PARD3B: variants seen among roughly 807,000 people sequenced by gnomAD.
PARD3B encodes partitioning defective 3 homolog B.
In PARD3B, 103 loss-of-function variants were observed where a neutral mutation model predicts 130.2. The observed-to-expected ratio is 0.79, with a 90% confidence interval of 0.67 to 0.93. PARD3B has a LOEUF of 0.93. PARD3B is among the 40% of genes least tolerant of loss of function. The probability of loss-of-function intolerance (pLI) is 0.00; values close to 1 mark genes in which losing one functional copy is unlikely to be tolerated. For missense variants in PARD3B, 1,609 were observed against 1,499.2 expected, an observed-to-expected ratio of 1.07 and a Z score of -1.21; for synonymous variants, 583 against 553.2, an observed-to-expected ratio of 1.05 and a Z score of -0.76.
At chr2:204,760,954 A>G (rs1395299167) in intron 2 of PARD3B, among the ~76,000 whole-genome samples, 5 of 152,194 alleles carry the variant, frequency 3.3e-5, no homozygotes, top group African/African-American at 4.8e-5. Context: ...TAGCTGCCAC[A>G]TTTGTTGACT....
At chr2:204,852,870 G>A (rs780478471) in intron 2 of PARD3B, among the ~76,000 whole-genome samples, 11 of 152,062 alleles carry the variant, frequency 7.2e-5, no homozygotes, top group Non-Finnish European at 1.3e-4. Context: ...ATAAAGGAAA[G>A]CCCACTACAA....
In PARD3B at chr2:205,268,049, G is replaced by T. The variant is rs571168393; in HGVS notation, c.2185+22227G>T. On this transcript the variant is annotated intron_variant, in intron 16 of 22. Coordinates refer to ENST00000406610, the MANE Select transcript of PARD3B (RefSeq NM_001302769.2). This position sits in a 1 kb window ranked among gnomAD's most constrained non-coding sequence, Gnocchi z 4.1. ...AAACTTCAGGCCTTCTCTCATCCCA[G>T]GACCTTTAGCTAGTGAGCCCTAGTG... Among the ~76,000 whole-genome samples, 1 of 152,224 alleles carries T rather than the reference G, an allele frequency of 6.6e-6. No individual in the cohort carries two copies. Among genetic ancestry groups the T allele is most frequent in the African/African-American group, 2.4e-5 (1 of 41,558 alleles).
At position 204,906,931 on chromosome 2, in the gene PARD3B, G is replaced by T. The variant is rs2047059738; in HGVS notation, c.223-58221G>T. 6.6e-6 allele frequency among the ~76,000 whole-genome samples: 1 copy of T among 152,116 alleles called. No homozygotes were observed. Among genetic ancestry groups the T allele is most frequent in the Non-Finnish European group, 1.5e-5 (1 of 68,016 alleles). ...TTAGCATTTTTGTGGAGAATTGGGTGTATTAAAAAGTAGAAGCAAAGATGC... is the reference window on the plus strand; with the variant it reads ...TTAGCATTTTTGTGGAGAATTGGGTTTATTAAAAAGTAGAAGCAAAGATGC... On this transcript the variant is annotated intron_variant, in intron 2 of 22. Coordinates refer to ENST00000406610, the MANE Select transcript of PARD3B (RefSeq NM_001302769.2). The surrounding 1 kb of genome is among the most constrained non-coding windows in gnomAD (Gnocchi z 4.3).
chr2:204,596,130 C>T (rs748763734), intron 1 of PARD3B, among the ~76,000 whole-genome samples: 8 of 152,172 alleles, frequency 5.3e-5, no homozygotes, highest in Non-Finnish European at 1.0e-4. Context: ...ATTATGAAAT[C>T]GTGAGATAAA....
chr2:205,518,672 G>C (rs980469632), intron 21 of PARD3B, among the ~76,000 whole-genome samples: 3 of 152,128 alleles, frequency 2.0e-5, no homozygotes, highest in African/African-American at 7.2e-5. Context: ...GCTTTATAGT[G>C]ACACTGGTCT....
At position 205,564,743 on chromosome 2, in the gene PARD3B, C is replaced by T. The variant is rs1229461143; in HGVS notation, c.3260+11340C>T. On this transcript the variant is annotated intron_variant, in intron 22 of 22. Coordinates refer to ENST00000406610, the MANE Select transcript of PARD3B (RefSeq NM_001302769.2). The surrounding 1 kb of genome is among the most constrained non-coding windows in gnomAD (Gnocchi z 4.6). ...ATCTCATGTGACACAGGCCCCACGA[C>T]CTCGATCATTCTGCCAAGAAACACC... 6.6e-6 allele frequency among the ~76,000 whole-genome samples: 1 copy of T among 152,184 alleles called. No homozygotes were observed. The highest frequency in any genetic ancestry group is 1.9e-4 in the East Asian group (1 of 5,190).
intron 2 of PARD3B, among the ~76,000 whole-genome samples, chr2:204,848,661 A>ATCTG: frequency 6.6e-6 from 1 of 151,508 alleles, no homozygotes; most frequent in East Asian, 1.9e-4. Flanking sequence ...CTATCTATCT[A>ATCTG]TCTGTCTGTC....
At chr2:205,316,700 C>T (rs1006063523) in intron 18 of PARD3B, among the ~76,000 whole-genome samples, 1 of 152,120 alleles carries the variant, frequency 6.6e-6, no homozygotes, top group African/African-American at 2.4e-5. Flanking sequence ...ATGTGCCCTT[C>T]TCTACCTCTC....
In PARD3B at chr2:204,645,911, T is replaced by G. The variant is rs147908521; in HGVS notation, c.121-40270T>G. On this transcript the variant is annotated intron_variant, in intron 1 of 22. Coordinates refer to ENST00000406610, the MANE Select transcript of PARD3B (RefSeq NM_001302769.2). ...TTTTCATGGCTTACTCAATGAATTT[T>G]GTCACTAGATGTGACTGCTATAACG... 2.4e-3 allele frequency among the ~76,000 whole-genome samples: 368 copies of G among 152,246 alleles called. 1 individual carries two copies. The highest frequency in any genetic ancestry group is 8.6e-3 in the African/African-American group (358 of 41,568).
intron 2 of PARD3B, among the ~76,000 whole-genome samples, chr2:204,727,013 C>T (rs1051379826): frequency 2.0e-5 from 3 of 152,296 alleles, no homozygotes; most frequent in African/African-American, 7.2e-5. Flanking sequence ...CCGCCCTGCA[C>T]GTTCTGCTGT....
At chr2:205,296,012 T>G (rs927162545) in intron 16 of PARD3B, among the ~76,000 whole-genome samples, 2 of 152,210 alleles carry the variant, frequency 1.3e-5, no homozygotes, top group Admixed American at 6.5e-5. Flanking sequence ...TAGCTGTTTG[T>G]AGAACGCATG....
At chr2:205,115,781 T>G (rs1042564437) in intron 6 of PARD3B, among the ~76,000 whole-genome samples, 3 of 152,194 alleles carry the variant, frequency 2.0e-5, no homozygotes, top group Non-Finnish European at 4.4e-5. Flanking sequence ...ATGGTTTCAC[T>G]GTGTGAGCAC....
chr2:205,444,797 A>G (rs2047848411), intron 20 of PARD3B, among the ~76,000 whole-genome samples: 1 of 152,240 alleles, frequency 6.6e-6, no homozygotes, highest in Non-Finnish European at 1.5e-5. Context: ...ACTTAAAACA[A>G]AGACAAAGAT....
chr2:204,820,005 C>G (rs1226808733), intron 2 of PARD3B, among the ~76,000 whole-genome samples: 2 of 150,742 alleles, frequency 1.3e-5, no homozygotes, highest in African/African-American at 2.5e-5. Flanking sequence ...GTTGCAGAAG[C>G]TGCAGCAAGT....
chr2:205,323,640 T>C (rs139432434), intron 18 of PARD3B, among the ~76,000 whole-genome samples: 411 of 152,304 alleles, frequency 2.7e-3, no homozygotes, highest in Middle Eastern at 0.02. Flanking sequence ...GCCCTCTGAT[T>C]CTTTCCACTA....
intron 19 of PARD3B, among the ~76,000 whole-genome samples, chr2:205,432,330 C>G (rs2047366448): frequency 6.6e-6 from 1 of 152,184 alleles, no homozygotes; most frequent in African/African-American, 2.4e-5. Context: ...GAGCCCTTTA[C>G]CATGTAAGTC....
chr2:205,335,050 A>G (rs1223226187), intron 18 of PARD3B, among the ~76,000 whole-genome samples: 1 of 152,224 alleles, frequency 6.6e-6, no homozygotes, highest in Non-Finnish European at 1.5e-5. Flanking sequence ...GAAATTTGAG[A>G]TAAGGAACAA....
At chr2:204,956,752 T>C (rs73054915) in intron 2 of PARD3B, among the ~76,000 whole-genome samples, 5,848 of 152,278 alleles carry the variant, frequency 0.038, 378 homozygotes, top group African/African-American at 0.13. Context: ...CACCTTTGCA[T>C]GTGTCTGGTT....
chr2:205,178,404 G>C (rs1365672844), intron 13 of PARD3B, among the ~76,000 whole-genome samples: 2 of 152,020 alleles, frequency 1.3e-5, no homozygotes, highest in Non-Finnish European at 2.9e-5. Context: ...AGTGAGCCAA[G>C]ATCGTGCCAC....
Sources: allele counts gnomAD v4.1 joint callset (sites outside exome capture counted in the v4.1 genomes callset), GRCh38; gene constraint gnomAD v4.1.1; non-coding constraint Gnocchi (gnomAD v3.1); transcripts MANE v1.5; gene names NCBI Gene and HGNC (gene_info 2026-07-23, HGNC 2026-07-21).